Variants in RYR2 observed in about 807,000 individuals in gnomAD.
The protein encoded by RYR2 is cardiac muscle ryanodine receptor-calcium release channel.
In RYR2, 227 loss-of-function variants were observed where a neutral mutation model predicts 601.1. The ratio of observed to expected loss-of-function variants is 0.38; its 90% CI spans 0.34 to 0.42. RYR2 has a LOEUF of 0.42. Ranked by LOEUF, RYR2 falls within the 10% of genes least tolerant of loss-of-function variation. The pLI is 1.00. For missense variants in RYR2, 4,646 were observed against 6,156.5 expected, an observed-to-expected ratio of 0.75 and a Z score of 8.21; for synonymous variants, 2,223 against 2,175.1, an observed-to-expected ratio of 1.02 and a Z score of -0.61.
chr1:237,208,240 G>A (rs1179315506), intron 1 of RYR2, among the ~76,000 whole-genome samples: 3 of 152,206 alleles, frequency 2.0e-5, no homozygotes, highest in Non-Finnish European at 4.4e-5. Context: ...ACAAAAACAG[G>A]TGCTATCCTC....
At chr1:237,467,168 GATA>G (rs1304514549) in intron 16 of RYR2, among the ~76,000 whole-genome samples, 1 of 147,606 alleles carries the variant, frequency 6.8e-6, no homozygotes, top group Non-Finnish European at 1.5e-5. Context: ...TGGATAATAT[GATA>G]ATGATATATA....
chr1:237,093,660 G>A (rs1204090269), intron 1 of RYR2, among the ~76,000 whole-genome samples: 1 of 152,184 alleles, frequency 6.6e-6, no homozygotes, highest in East Asian at 1.9e-4. Context: ...AGCATTGAGC[G>A]GAGGGAGTTA....
intron 10 of RYR2, among the ~76,000 whole-genome samples, chr1:237,397,168 G>A (rs1417063635): frequency 6.6e-6 from 1 of 151,914 alleles, no homozygotes; most frequent in East Asian, 1.9e-4. Flanking sequence ...AACGCAGGAG[G>A]TGGAGATTGC....
chr1:237,426,806 A>T (rs10458441), intron 12 of RYR2, among the ~76,000 whole-genome samples: 1 of 152,118 alleles, frequency 6.6e-6, no homozygotes, highest in Non-Finnish European at 1.5e-5. Flanking sequence ...GAGCTCAGGA[A>T]TTTGTGGCTG....
At chr1:237,416,805 A>C (rs1416430347) in intron 10 of RYR2, among the ~76,000 whole-genome samples, 2 of 151,750 alleles carry the variant, frequency 1.3e-5, no homozygotes, top group Non-Finnish European at 2.9e-5. Context: ...TTAGAGGGAG[A>C]AAATGGCAAG....
chr1:237,139,970 G>C (rs369590914), intron 1 of RYR2, among the ~76,000 whole-genome samples: 1 of 152,210 alleles, frequency 6.6e-6, no homozygotes, highest in South Asian at 2.1e-4. Context: ...ATGTGTGCCT[G>C]AAAGTGAGGT....
At chr1:237,485,212 A>G (rs764893593) in intron 17 of RYR2, among the ~76,000 whole-genome samples, 8 of 152,266 alleles carry the variant, frequency 5.3e-5, no homozygotes, top group Non-Finnish European at 1.2e-4. Context: ...TATTTCAGTT[A>G]TTCTATTTAC....
At chr1:237,666,313 AT>A (rs1304228597) in intron 56 of RYR2, among the ~76,000 whole-genome samples, 198 bp from the exon 57 acceptor site, 1 of 152,236 alleles carries the variant, frequency 6.6e-6, no homozygotes. Flanking sequence ...AGAATTATCA[AT>A]CATAAATCAT....
chr1:237,792,995 T>G (rs1033107057), intron 94 of RYR2, among the ~76,000 whole-genome samples: 1 of 152,184 alleles, frequency 6.6e-6, no homozygotes, highest in African/African-American at 2.4e-5. Context: ...ACAATATAAT[T>G]TGGTGAATAG....
At chr1:237,068,054 A>G (rs1433110640) in intron 1 of RYR2, among the ~76,000 whole-genome samples, 1 of 104,938 alleles carries the variant, frequency 9.5e-6, no homozygotes, top group East Asian at 2.5e-4. Flanking sequence ...TTTTTTTGCT[A>G]AGAACTGTAC....
At chr1:237,474,223 A>G (rs199983174) in intron 17 of RYR2, among the ~76,000 whole-genome samples, 2 of 48,386 alleles carry the variant, frequency 4.1e-5, no homozygotes, top group Non-Finnish European at 6.8e-5. Context: ...GTGTGTGTAG[A>G]TCTATACATA....
At chr1:237,329,822 A>G (rs987672378) in intron 2 of RYR2, among the ~76,000 whole-genome samples, 1 of 152,092 alleles carries the variant, frequency 6.6e-6, no homozygotes, top group African/African-American at 2.4e-5. Flanking sequence ...TGTGATTTTG[A>G]GAATCTGTGG....
chr1:237,117,245 AG>A (rs1468997957), intron 1 of RYR2, among the ~76,000 whole-genome samples: 1 of 151,920 alleles, frequency 6.6e-6, no homozygotes, highest in Non-Finnish European at 1.5e-5. Flanking sequence ...GTAGAAGATG[AG>A]GTATTGTTTG....
intron 2 of RYR2, among the ~76,000 whole-genome samples, chr1:237,309,872 G>A (rs930635236): frequency 1.4e-4 from 21 of 152,172 alleles, no homozygotes; most frequent in Admixed American, 1.3e-3. Context: ...TGCCGCAGGT[G>A]CTAAGCCCCT....
At chr1:237,156,128 T>G (rs1034621543) in intron 1 of RYR2, among the ~76,000 whole-genome samples, 2 of 152,188 alleles carry the variant, frequency 1.3e-5, no homozygotes, top group Admixed American at 1.3e-4. Context: ...GACCTCTTCC[T>G]CTGCTGTATT....
chr1:237,492,950 T>C lies in RYR2; in HGVS notation c.1828-4T>C, dbSNP rs1318260736. ...GATCAGCTGAAAGTAATTTCTCTTTTCAGGTTCTGGATGTCTTGTGCTCAC... is the reference window on the plus strand; with the variant it reads ...GATCAGCTGAAAGTAATTTCTCTTTCCAGGTTCTGGATGTCTTGTGCTCAC... On this transcript the variant is annotated splice_region_variant and splice_polypyrimidine_tract_variant and intron_variant, in intron 18 of 104. Transcript: ENST00000366574. The C allele has an allele frequency of 6.4e-7, 1 of 1,572,924 alleles. No individual in the cohort carries two copies. The highest frequency in any genetic ancestry group is 1.2e-5 in the South Asian group (1 of 86,192).
At chr1:237,632,681 C>G (rs1217575762) in intron 42 of RYR2, among the ~76,000 whole-genome samples, 1 of 152,050 alleles carries the variant, frequency 6.6e-6, no homozygotes, top group Non-Finnish European at 1.5e-5. Flanking sequence ...CAGGCGTGAG[C>G]CACCACACTG....
At chr1:237,516,685 G>A (rs1666581900) in intron 24 of RYR2, among the ~76,000 whole-genome samples, 1 of 152,112 alleles carries the variant, frequency 6.6e-6, no homozygotes, top group Admixed American at 6.5e-5. Context: ...CCCTGTATTT[G>A]CATTTAGGGT....
At chr1:237,623,943 T>C in intron 39 of RYR2, 73 bp downstream of exon 39, 1 of 941,248 alleles carries the variant, frequency 1.1e-6, no homozygotes, top group Non-Finnish European at 1.7e-6. Flanking sequence ...CGAAATTAAG[T>C]GTATATGCGA....
Sources: gnomAD v4.1 joint callset for allele counts (sites outside exome capture counted in the v4.1 genomes callset) on GRCh38, gnomAD v4.1.1 for gene constraint, MANE v1.5 for transcripts, NCBI Gene and HGNC (gene_info 2026-07-23, HGNC 2026-07-21) for gene names.